LMO7: variants seen among roughly 807,000 people sequenced by gnomAD.
The protein encoded by LMO7 is LIM domain only protein 7.
LMO7 carries 120 observed loss-of-function variants against 206.5 expected under a neutral mutation model. That is an observed-to-expected ratio of 0.58 (90% CI 0.50 to 0.68). The LOEUF (loss-of-function observed/expected upper bound fraction) is 0.68, where lower values mean the gene tolerates loss of function less well. Among genes scored for constraint, LMO7 ranks in the 30% least tolerant of loss-of-function variants. The pLI is 0.00. For synonymous variants in LMO7, 706 were observed against 681.5 expected (o/e 1.04, Z -0.56); for missense variants, 1,959 against 1,957.9 (o/e 1.00, Z -0.01).
intron 2 of LMO7, among the ~76,000 whole-genome samples, chr13:75,629,407 G>T (rs954995326): frequency 6.6e-6 from 1 of 152,168 alleles, no homozygotes; most frequent in Admixed American, 6.6e-5. Flanking sequence ...TGTGAAAGGG[G>T]CTATGATTGC....
chr13:75,814,005 G>C (rs1224563583), intron 11 of LMO7, among the ~76,000 whole-genome samples: 1 of 152,052 alleles, frequency 6.6e-6, no homozygotes, highest in Non-Finnish European at 1.5e-5. Flanking sequence ...ATTCTTCATA[G>C]TATGACTTAC....
rs753860229 is a variant in LMO7, at chr13:75,841,180, G to T, written c.3654G>T (p.Glu1218Asp). Reference protein sequence around the residue: ...WQRAKQEAERENSKYLDEELM... With the variant: ...WQRAKQEAERDNSKYLDEELM... ...GGGCCAAACAGGAGGCAGAGAGAGA[G>T]AATTCCAAGTACTTGGATGAGGTAG... Residue 1218 changes from glutamate to aspartate, a missense_variant, in exon 23 of 31, where the codon GAG (glutamate) becomes GAT (aspartate). Transcript: ENST00000377534. 1 of 1,611,310 alleles carries T rather than the reference G, an allele frequency of 6.2e-7. No individual in the cohort carries two copies. Among genetic ancestry groups the T allele is most frequent in the South Asian group, 1.1e-5 (1 of 90,982 alleles).
In LMO7 at chr13:75,849,323, T is replaced by C. The variant is rs118083410; in HGVS notation, c.4364+31T>C. On this transcript the variant is annotated intron_variant, in intron 27 of 30. Transcript: ENST00000377534. ...AGACATCTTAGGAATTGGTTTCTTG[T>C]CTTTACTGTGAGGCAGATATTTAAT... 3.1e-3 allele frequency: 4,706 copies of C among 1,522,024 alleles called. 29 individuals are homozygous for C. Among genetic ancestry groups the C allele is most frequent in the Middle Eastern group, 0.013 (76 of 5,880 alleles). The allele number at this position is 1,522,024 out of a possible 1,614,324, so 94.3% of individuals were successfully genotyped here.
At chr13:75,855,070 T>C (rs1288184801) in intron 28 of LMO7, 190 bp from the exon 29 acceptor site, 1 of 513,406 alleles carries the variant, frequency 1.9e-6, no homozygotes, top group South Asian at 3.0e-5. Context: ...AGAGCTGCCA[T>C]GGAGATGGTT....
chr13:75,762,258 A>C (rs2048311923), intron 4 of LMO7, among the ~76,000 whole-genome samples: 1 of 152,134 alleles, frequency 6.6e-6, no homozygotes, highest in Admixed American at 6.5e-5. Context: ...GAGATTCTAA[A>C]TTTCATCACC....
chr13:75,711,485 T>C (rs1279117117), intron 1 of LMO7, among the ~76,000 whole-genome samples: 1 of 152,234 alleles, frequency 6.6e-6, no homozygotes, highest in Non-Finnish European at 1.5e-5. Flanking sequence ...GAGCCTGTTA[T>C]TGGTCTATTC....
At chr13:75,743,646 T>C (rs1341234274) in intron 3 of LMO7, among the ~76,000 whole-genome samples, 2 of 152,016 alleles carry the variant, frequency 1.3e-5, no homozygotes, top group African/African-American at 4.8e-5. Flanking sequence ...GGGAGCTAAA[T>C]GATGAGAACA....
chr13:75,687,520 A>AT (rs986320331), intron 1 of LMO7, among the ~76,000 whole-genome samples: 6 of 151,640 alleles, frequency 4.0e-5, no homozygotes, highest in East Asian at 3.9e-4. Context: ...AATAAAATAC[A>AT]TTTTTTTTCA....
At position 75,821,251 on chromosome 13, in the gene LMO7, G is replaced by C. The variant is rs1159298968; in HGVS notation, c.2282G>C (p.Gly761Ala). The change falls in exon 14 of 31, where the codon GGA (glycine) becomes GCA (alanine). Residue 761 changes from glycine (G) to alanine (A), a missense_variant. Coordinates refer to ENST00000377534, the MANE Select transcript of LMO7 (RefSeq NM_001306080.2). ...TCTTTTGATGATGTGCTGGAGGAAG[G>C]AAAGCGACCCCCTACAATGACTGTG... ...MYSFDDVLEE[G>A]KRPPTMTVSE... The C allele has an allele frequency of 1.2e-6, 2 of 1,613,846 alleles. No individual in the cohort carries two copies. Among genetic ancestry groups the C allele is most frequent in the South Asian group, 1.1e-5 (1 of 91,064 alleles).
chr13:75,753,313 C>T (rs948675482), intron 3 of LMO7, among the ~76,000 whole-genome samples: 22 of 152,136 alleles, frequency 1.4e-4, no homozygotes, highest in African/African-American at 5.3e-4. Context: ...TATCAGTCTG[C>T]TGTTGGATGT....
At chr13:75,681,706 G>GTATATATATATGTATATATATA (rs1178319376) in intron 1 of LMO7, among the ~76,000 whole-genome samples, 14 of 93,308 alleles carry the variant, frequency 1.5e-4, no homozygotes, top group African/African-American at 4.7e-4. Flanking sequence ...GTATGTATGT[G>GTATATATATATGTATATATATA]TATATATATA....
Position 75,856,486 on chromosome 13 carries a change from C to A in LMO7, c.4771-20C>A. The A allele has an allele frequency of 7.8e-7, 1 of 1,278,056 alleles. No individual in the cohort carries two copies. Among genetic ancestry groups the A allele is most frequent in the Non-Finnish European group, 1.1e-6 (1 of 921,522 alleles). The allele number at this position is 1,278,056 out of a possible 1,614,324, so 79.2% of individuals were successfully genotyped here. ...CTTGAGCTGACTGATTGTAGATGTT[C>A]TTTTTTTTTTGTTCCCCAGTGTGTT... On this transcript the variant is annotated intron_variant, in intron 29 of 30. Transcript: ENST00000377534.
chr13:75,729,954 A>T (rs1202851227), intron 3 of LMO7, among the ~76,000 whole-genome samples: 3 of 152,250 alleles, frequency 2.0e-5, no homozygotes, highest in African/African-American at 7.2e-5. Flanking sequence ...ATATTGAACC[A>T]GCCTTGCATC....
At chr13:75,666,720 G>C (rs1024200374) in intron 1 of LMO7, among the ~76,000 whole-genome samples, 1 of 152,186 alleles carries the variant, frequency 6.6e-6, no homozygotes, top group African/African-American at 2.4e-5. Context: ...AAAAGTTTGA[G>C]AATTCTCTTG....
Position 75,760,932 on chromosome 13 carries a change from G to A in LMO7, c.211G>A (p.Asp71Asn), listed in dbSNP as rs368898370. ...AATCACTTTCCACTTCTTTTCACAG[G>A]ATAATATAAACGTTTTCTTGAAAGC... is the stretch of plus-strand genomic sequence containing the variant. ...NRLSTPIAGL[D>N]NINVFLKACE... Residue 71 changes from aspartate to asparagine, a missense_variant and splice_region_variant, in exon 4 of 31, where the codon GAT becomes AAT. Transcript: ENST00000377534. 2.5e-6 allele frequency: 4 copies of A among 1,613,078 alleles called. No individual in the cohort carries two copies. In the African/African-American group the frequency reaches 5.3e-5, roughly 22 times the overall value.
chr13:75,849,876 A>G (rs2139558214), intron 27 of LMO7, among the ~76,000 whole-genome samples: 1 of 152,330 alleles, frequency 6.6e-6, no homozygotes, highest in East Asian at 1.9e-4. Flanking sequence ...TATCTGACAG[A>G]CTGGGGAATT....
chr13:75,656,824 C>G (rs1041246889), intron 1 of LMO7, among the ~76,000 whole-genome samples: 6 of 152,168 alleles, frequency 3.9e-5, no homozygotes, highest in African/African-American at 7.2e-5. Context: ...ACTTCTGGAG[C>G]CTCCTTTTCC....
intron 1 of LMO7, among the ~76,000 whole-genome samples, chr13:75,683,306 A>G (rs1276033452): frequency 2.6e-5 from 4 of 152,100 alleles, no homozygotes; most frequent in African/African-American, 7.2e-5. Flanking sequence ...AAATATCACA[A>G]ATTTATTTCC....
chr13:75,824,408 G>A (rs2057911903), intron 15 of LMO7, among the ~76,000 whole-genome samples: 1 of 152,054 alleles, frequency 6.6e-6, no homozygotes, highest in Non-Finnish European at 1.5e-5. Flanking sequence ...ATGGTCCCTT[G>A]TCTCTAAATG....
Sources: gnomAD v4.1 joint callset for allele counts (sites outside exome capture counted in the v4.1 genomes callset) on GRCh38, gnomAD v4.1.1 for gene constraint, MANE v1.5 for transcripts, NCBI Gene and HGNC (gene_info 2026-07-23, HGNC 2026-07-21) for gene names.